FMR1: variants seen among roughly 807,000 people sequenced by gnomAD.
The protein encoded by FMR1 is FMRP translational regulator 1.
In FMR1, 13 loss-of-function variants were observed where a neutral mutation model predicts 50.6. The ratio of observed to expected loss-of-function variants is 0.26; its 90% CI spans 0.17 to 0.41. The LOEUF (loss-of-function observed/expected upper bound fraction) is 0.41. Among genes scored for constraint, FMR1 ranks in the 10% least tolerant of loss-of-function variants. FMR1 has a pLI of 1.00. For synonymous variants in FMR1, 138 were observed against 164.1 expected (o/e 0.84, Z 1.22); for missense variants, 316 against 491.3 (o/e 0.64, Z 3.37).
At chrX:147,943,013 G>C in intron 13 of FMR1, 118 bp from the exon 14 acceptor site, 1 of 620,784 alleles carries the variant, frequency 1.6e-6, no homozygotes, top group Non-Finnish European at 2.6e-6. Flanking sequence ...AGTGTTTACT[G>C]TAAATTTAGA....
chrX:147,946,688 A>G (rs1456324374), intron 16 of FMR1, among the ~76,000 whole-genome samples: 5 of 112,378 alleles, frequency 4.4e-5, no homozygotes, highest in African/African-American at 1.6e-4. Context: ...TTAGTGTCTG[A>G]TTCTCTGAAT....
At chrX:147,915,129 G>A (rs1468949766) in intron 1 of FMR1, among the ~76,000 whole-genome samples, 1 of 111,602 alleles carries the variant, frequency 9.0e-6, no homozygotes, top group Admixed American at 9.5e-5. Flanking sequence ...TTGTAATTTT[G>A]TTGTTAGATT....
At chrX:147,916,245 T>G (rs1437030448) in intron 1 of FMR1, among the ~76,000 whole-genome samples, 2 of 112,400 alleles carry the variant, frequency 1.8e-5, no homozygotes, top group Non-Finnish European at 3.8e-5. Flanking sequence ...AATTAGTAAC[T>G]AATTTAATAA....
At chrX:147,936,846 G>A (rs781921361) in intron 10 of FMR1, among the ~76,000 whole-genome samples, 1 of 111,465 alleles carries the variant, frequency 9.0e-6, no homozygotes, top group Admixed American at 9.5e-5. Flanking sequence ...TTTAAAATGG[G>A]TAGTTATAAA....
At chrX:147,936,397 C>A in intron 9 of FMR1, 107 bp from the exon 10 acceptor site, 1 of 533,024 alleles carries the variant, frequency 1.9e-6, no homozygotes, top group Non-Finnish European at 3.3e-6. Flanking sequence ...CATACACATA[C>A]ACATAAAAAT....
chrX:147,949,887 T>A lies in FMR1; in HGVS notation c.*1043T>A, dbSNP rs782289520. On this transcript the variant is annotated 3_prime_UTR_variant, in exon 17 of 17. Coordinates refer to ENST00000370475, the MANE Select transcript of FMR1 (RefSeq NM_002024.6). ...TAGGAAGGTCATTTCCATGTATGCA[T>A]AATAATCCTGCAAAGTACAGGTACT... is the stretch of plus-strand genomic sequence containing the variant. The A allele has an allele frequency of 3.1e-6, 1 of 325,148 alleles. No individual in the cohort carries two copies. Among genetic ancestry groups the A allele is most frequent in the Admixed American group, 3.2e-5 (1 of 31,638 alleles). 26.8% of individuals were successfully genotyped at this position (325,148 alleles called of 1,213,427 possible).
intron 1 of FMR1, among the ~76,000 whole-genome samples, chrX:147,916,400 T>G (rs782337870): frequency 1.8e-5 from 2 of 111,385 alleles, no homozygotes; most frequent in Non-Finnish European, 1.9e-5. Context: ...CTCTTTATTC[T>G]TTTATGTTGT....
intron 9 of FMR1, among the ~76,000 whole-genome samples, chrX:147,934,040 A>G (rs1296163190): frequency 8.9e-6 from 1 of 112,511 alleles, no homozygotes; most frequent in African/African-American, 3.2e-5. Flanking sequence ...ATGTGTACAG[A>G]ATGTATGCAT....
In FMR1 at chrX:147,943,320, A is replaced by G; in HGVS notation, c.1465A>G (p.Thr489Ala). ...RGHGRRGPGY[T>A]SGTNSEASNA... ...GCACGGCAGACGCGGTCCTGGATAT[A>G]CTTCAGGTACAAACTAAGCATTTTA... The change falls in exon 14 of 17, where the codon ACT becomes GCT. Residue 489 changes from threonine (T) to alanine (A), a missense_variant. Thr to Ala is a moderately conservative substitution (Grantham distance 58). Around this residue, in one of 4 missense-constraint regions of FMR1, gnomAD observed 124 missense variants for 160.8 expected, o/e 0.77. Coordinates refer to ENST00000370475, the MANE Select transcript of FMR1 (RefSeq NM_002024.6). The G allele has an allele frequency of 8.3e-7, 1 of 1,202,091 alleles. No homozygotes were observed. Among genetic ancestry groups the G allele is most frequent in the Non-Finnish European group, 1.1e-6 (1 of 886,820 alleles).
intron 9 of FMR1, 135 bp downstream of exon 9, chrX:147,932,898 T>C: frequency 6.2e-6 from 3 of 480,430 alleles, no homozygotes; most frequent in Non-Finnish European, 1.1e-5. Flanking sequence ...AAATATGATC[T>C]GTTCTTTTTT....
At chrX:147,929,366 A>C (rs1371259810) in intron 5 of FMR1, among the ~76,000 whole-genome samples, 1 of 111,406 alleles carries the variant, frequency 9.0e-6, no homozygotes, top group Non-Finnish European at 1.9e-5. Context: ...ATTAAATTGC[A>C]GTTCAGAATA....
intron 12 of FMR1, chrX:147,940,367 A>G: frequency 2.5e-6 from 1 of 405,785 alleles, no homozygotes; most frequent in South Asian, 3.5e-5. Context: ...TACGTTTAAA[A>G]GGTTGCTATT....
chrX:147,926,482 C>A (rs782166817), intron 3 of FMR1, among the ~76,000 whole-genome samples: 4 of 110,070 alleles, frequency 3.6e-5, no homozygotes, highest in Non-Finnish European at 7.6e-5. Context: ...TCCTTCAGTT[C>A]TTTATTTATT....
At chrX:147,923,341 C>A (rs1387570140) in intron 2 of FMR1, among the ~76,000 whole-genome samples, 1 of 112,058 alleles carries the variant, frequency 8.9e-6, no homozygotes, top group East Asian at 2.8e-4. Context: ...TTTCATATAT[C>A]CATGGCTATG....
chrX:147,939,317 C>T (rs925972038), intron 12 of FMR1, among the ~76,000 whole-genome samples: 4 of 110,441 alleles, frequency 3.6e-5, no homozygotes, highest in African/African-American at 1.3e-4. Flanking sequence ...TAGCATATGC[C>T]TTTTAAAAAT....
At chrX:147,921,346 A>AT (rs2043154605) in intron 1 of FMR1, among the ~76,000 whole-genome samples, 1 of 111,176 alleles carries the variant, frequency 9.0e-6, no homozygotes, top group African/African-American at 3.3e-5. Flanking sequence ...GACTTTATAT[A>AT]TTTTTTCTAC....
intron 5 of FMR1, among the ~76,000 whole-genome samples, chrX:147,929,372 G>A (rs2043507533): frequency 9.0e-6 from 1 of 111,121 alleles, no homozygotes; most frequent in Admixed American, 9.6e-5. Context: ...TTGCAGTTCA[G>A]AATACATAGA....
rs1557182674 is a variant in FMR1 at position 147,948,824 on chromosome X, C to G, written c.1879C>G (p.Leu627Val). 1 of 1,210,401 alleles carries G rather than the reference C, an allele frequency of 8.3e-7. No homozygotes were observed. The highest frequency in any genetic ancestry group is 1.1e-6 in the Non-Finnish European group (1 of 894,296). ...AGACAGCGTGGATGGTCAGCAACCACTCGTGAATGGAGTACCCTAAACTGC... is the reference window on the plus strand; with the variant it reads ...AGACAGCGTGGATGGTCAGCAACCAGTCGTGAATGGAGTACCCTAAACTGC... ...KPDSVDGQQP[L>V]VNGVP is the part of the protein sequence containing the mutation. Residue 627 changes from leucine (L) to valine (V), a missense_variant, in exon 17 of 17, where the codon CTC becomes GTC. By Grantham distance (32) the Leu-to-Val change is conservative (BLOSUM62 1). Coordinates refer to ENST00000370475, the MANE Select transcript of FMR1 (RefSeq NM_002024.6).
intron 2 of FMR1, among the ~76,000 whole-genome samples, chrX:147,922,563 T>G (rs1557176711): frequency 1.8e-5 from 2 of 111,929 alleles, no homozygotes; most frequent in Non-Finnish European, 3.8e-5. Flanking sequence ...AGTATAGATG[T>G]TAACATTTTA....
Sources: allele counts gnomAD v4.1 joint callset (sites outside exome capture counted in the v4.1 genomes callset), GRCh38; gene constraint gnomAD v4.1.1; regional missense constraint gnomAD v4.1.1; transcripts MANE v1.5; gene names NCBI Gene and HGNC (gene_info 2026-07-23, HGNC 2026-07-21).